The following AGBL4 variants were observed in gnomAD, a reference collection of about 807,000 sequenced individuals.
The protein encoded by AGBL4 is cytosolic carboxypeptidase 6.
In AGBL4, 58 loss-of-function variants were observed where a neutral mutation model predicts 66.4. That is an observed-to-expected ratio of 0.87 (90% confidence interval 0.71 to 1.09). The LOEUF (loss-of-function observed/expected upper bound fraction) is 1.09, where lower values mean the gene tolerates loss of function less well. AGBL4 is among the 50% of genes least tolerant of loss of function. The pLI, the probability that AGBL4 is intolerant of heterozygous loss-of-function variation, is 0.00. For missense variants in AGBL4, 579 were observed against 631.0 expected, an observed-to-expected ratio of 0.92 and a Z score of 0.88; for synonymous variants, 234 against 222.9, an observed-to-expected ratio of 1.05 and a Z score of -0.44.
At chr1:49,324,006 A>G (rs1645179227) in intron 3 of AGBL4, among the ~76,000 whole-genome samples, 2 of 152,176 alleles carry the variant, frequency 1.3e-5, no homozygotes, top group African/African-American at 4.8e-5. Context: ...TATATCCCCA[A>G]TAACTAACAC....
chr1:49,266,331 AAAAAGATCTTT>A (rs1370025448), intron 3 of AGBL4: 2 of 152,120 alleles, frequency 1.3e-5, no homozygotes, highest in Non-Finnish European at 2.9e-5. Flanking sequence ...CAGAAAGAAG[AAAAAGATCTTT>A]CAGGGAGACT....
chr1:49,696,005 A>G (rs1646976254), intron 3 of AGBL4, among the ~76,000 whole-genome samples: 1 of 152,146 alleles, frequency 6.6e-6, no homozygotes, highest in Non-Finnish European at 1.5e-5. Flanking sequence ...AGAAGCAAGC[A>G]ATCAAGGGAT....
intron 6 of AGBL4, among the ~76,000 whole-genome samples, chr1:48,804,080 A>G (rs1342175447): frequency 6.6e-6 from 1 of 152,206 alleles, no homozygotes; most frequent in East Asian, 1.9e-4. Flanking sequence ...CCAGAGTAGA[A>G]GCTCACAAAC....
chr1:49,306,011 AC>A (rs1267209819), intron 3 of AGBL4, among the ~76,000 whole-genome samples: 1 of 152,172 alleles, frequency 6.6e-6, no homozygotes, highest in African/African-American at 2.4e-5. Flanking sequence ...TTCTTATGGC[AC>A]AACATTGAGC....
At chr1:48,958,075 G>A (rs1456407021) in intron 5 of AGBL4, among the ~76,000 whole-genome samples, 1 of 151,862 alleles carries the variant, frequency 6.6e-6, no homozygotes, top group African/African-American at 2.4e-5. Context: ...ACCCAGGATG[G>A]TCTCGATCTG....
chr1:49,159,275 C>T (rs1366439697), intron 4 of AGBL4, among the ~76,000 whole-genome samples: 1 of 152,082 alleles, frequency 6.6e-6, no homozygotes, highest in African/African-American at 2.4e-5. Flanking sequence ...CAAAATCTCT[C>T]AGCATTTGCT....
intron 3 of AGBL4, among the ~76,000 whole-genome samples, chr1:49,291,262 C>T (rs1371664877): frequency 6.6e-6 from 1 of 152,204 alleles, no homozygotes; most frequent in Non-Finnish European, 1.5e-5. Context: ...TTTCAGAAGA[C>T]TCTCTTATAT....
intron 6 of AGBL4, among the ~76,000 whole-genome samples, chr1:48,735,038 T>C (rs996443825): frequency 3.9e-5 from 6 of 152,214 alleles, no homozygotes; most frequent in Admixed American, 1.3e-4. Context: ...TGTGTCTCAG[T>C]TTCCTTGTCC....
intron 9 of AGBL4, among the ~76,000 whole-genome samples, chr1:48,623,530 G>A (rs1645450178): frequency 6.6e-6 from 1 of 152,206 alleles, no homozygotes; most frequent in Non-Finnish European, 1.5e-5. Flanking sequence ...AGTAAATAAT[G>A]GACAAATTGG....
chr1:48,575,243 G>T (rs930775261), intron 11 of AGBL4, among the ~76,000 whole-genome samples: 1 of 152,066 alleles, frequency 6.6e-6, no homozygotes, highest in African/African-American at 2.4e-5. Context: ...CCAAACTTCT[G>T]GCCAGACAGT....
intron 1 of AGBL4, among the ~76,000 whole-genome samples, chr1:49,882,156 A>G (rs1647404973): frequency 6.6e-6 from 1 of 151,534 alleles, no homozygotes; most frequent in Non-Finnish European, 1.5e-5. Context: ...TCCTTTCCCC[A>G]TTGCTTGTTT....
chr1:48,831,859 C>A (rs181457050), intron 6 of AGBL4, among the ~76,000 whole-genome samples: 1 of 152,246 alleles, frequency 6.6e-6, no homozygotes, highest in Non-Finnish European at 1.5e-5. Context: ...GCAAGGAAAT[C>A]CATGTTTTGA....
intron 2 of AGBL4, among the ~76,000 whole-genome samples, chr1:49,806,722 C>T (rs563833151): frequency 6.6e-6 from 1 of 152,266 alleles, no homozygotes; most frequent in East Asian, 1.9e-4. Flanking sequence ...AGGGATACCC[C>T]TCTTATTACA....
chr1:49,144,526 T>TACACACACAC (rs58163314), intron 4 of AGBL4, among the ~76,000 whole-genome samples: 4 of 146,206 alleles, frequency 2.7e-5, no homozygotes, highest in South Asian at 2.2e-4. Context: ...TTACCTAATC[T>TACACACACAC]ACACACACAC....
At chr1:49,226,983 C>G (rs1649962092) in intron 4 of AGBL4, among the ~76,000 whole-genome samples, 1 of 152,132 alleles carries the variant, frequency 6.6e-6, no homozygotes, top group African/African-American at 2.4e-5. Context: ...GAGAAAGAGG[C>G]AGCCTCTGTT....
At chr1:49,809,836 G>T (rs1475931304) in intron 2 of AGBL4, among the ~76,000 whole-genome samples, 1 of 152,092 alleles carries the variant, frequency 6.6e-6, no homozygotes, top group East Asian at 1.9e-4. Flanking sequence ...CTGCTGCTGG[G>T]AAGTTATAAT....
At chr1:49,259,969 A>G (rs1264318361) in intron 3 of AGBL4, among the ~76,000 whole-genome samples, 1 of 152,104 alleles carries the variant, frequency 6.6e-6, no homozygotes, top group Non-Finnish European at 1.5e-5. Flanking sequence ...CTCAGACCAC[A>G]GTGCAATCAA....
chr1:49,389,989 T>G (rs1644813427), intron 3 of AGBL4, among the ~76,000 whole-genome samples: 1 of 152,132 alleles, frequency 6.6e-6, no homozygotes, highest in Non-Finnish European at 1.5e-5. Flanking sequence ...CCAGCAAAAT[T>G]TCATGCTAGG....
chr1:49,658,166 A>T (rs1451053848), intron 3 of AGBL4, among the ~76,000 whole-genome samples: 20 of 152,122 alleles, frequency 1.3e-4, no homozygotes, highest in Admixed American at 6.5e-5. Flanking sequence ...TACAAGAAAA[A>T]AACAAACAAC....
Sources: gnomAD v4.1 joint callset for allele counts (sites outside exome capture counted in the v4.1 genomes callset) on GRCh38, gnomAD v4.1.1 for gene constraint, MANE v1.5 for transcripts, NCBI Gene and HGNC (gene_info 2026-07-23, HGNC 2026-07-21) for gene names.